CCDC73: variants seen among roughly 807,000 people sequenced by gnomAD.
CCDC73 encodes coiled-coil domain-containing protein 73.
A neutral mutation model predicts 116.5 loss-of-function variants in CCDC73; 95 were observed. The ratio of observed to expected loss-of-function variants is 0.82; its 90% CI spans 0.69 to 0.97. The LOEUF is 0.97. Ranked by LOEUF, CCDC73 falls within the 50% of genes least tolerant of loss-of-function variation. CCDC73 has a pLI of 0.00. For synonymous variants in CCDC73, 398 were observed against 401.3 expected (o/e 0.99, Z 0.10); for missense variants, 1,066 against 1,206.8 (o/e 0.88, Z 1.73).
At chr11:32,779,919 TCA>T (rs1850568152) in intron 1 of CCDC73, among the ~76,000 whole-genome samples, 1 of 152,198 alleles carries the variant, frequency 6.6e-6, no homozygotes, top group African/African-American at 2.4e-5. Context: ...ATAAAAATAA[TCA>T]CTTTTTTCTT....
the CCDC73 span, among the ~76,000 whole-genome samples, chr11:32,819,467 G>GT: frequency 0.77 from 113,767 of 148,632 alleles, 43,546 homozygotes; most frequent in East Asian, 0.99. Context: ...GCAATAAGAG[G>GT]TTTTTTTTTT....
intron 1 of CCDC73, among the ~76,000 whole-genome samples, chr11:32,764,743 G>A (rs185927415): frequency 1.8e-3 from 277 of 152,244 alleles, no homozygotes; most frequent in Non-Finnish European, 3.2e-3. Context: ...ATAATGACAG[G>A]ATCAAATTCA....
Position 32,752,640 on chromosome 11 carries a change from C to A in CCDC73, c.135+7469G>T, listed in dbSNP as rs572853108. Among the ~76,000 whole-genome samples the A allele has an allele frequency of 4.6e-5, 7 of 152,192 alleles. No homozygotes were observed. The South Asian group carries it at 1.5e-3, about 32-fold the overall frequency. On this transcript the variant is annotated intron_variant, in intron 2 of 17. Transcript: ENST00000335185. ...ATTATCTCATTTTTGTTTTAATCTGCATTTATTTTATTAGTAGTAAAGTTA... is the reference window on the plus strand; with the variant it reads ...ATTATCTCATTTTTGTTTTAATCTGAATTTATTTTATTAGTAGTAAAGTTA...
At chr11:32,735,482 A>G (rs1215469553) in intron 2 of CCDC73, among the ~76,000 whole-genome samples, 1 of 152,170 alleles carries the variant, frequency 6.6e-6, no homozygotes, top group Non-Finnish European at 1.5e-5. Flanking sequence ...ACTCTTCAAG[A>G]AGAACTACAA....
At chr11:32,811,679 C>A in the CCDC73 span, among the ~76,000 whole-genome samples, 2 of 152,002 alleles carry the variant, frequency 1.3e-5, no homozygotes, top group African/African-American at 4.8e-5. Flanking sequence ...GAGGCAAGAG[C>A]AAGCAGGAGA....
At chr11:32,675,536 TTAG>T in intron 9 of CCDC73, 26 bp downstream of exon 9, 1 of 1,333,234 alleles carries the variant, frequency 7.5e-7, no homozygotes, top group South Asian at 1.3e-5. Context: ...TAATTTTTAC[TTAG>T]TAGTGTGAAA....
chr11:32,802,853 A>T, the CCDC73 span, among the ~76,000 whole-genome samples: 2 of 151,766 alleles, frequency 1.3e-5, no homozygotes, highest in African/African-American at 4.8e-5. Context: ...CCCAGGTTCA[A>T]GCAATTCTCA....
the CCDC73 span, among the ~76,000 whole-genome samples, chr11:32,809,823 A>C: frequency 6.6e-6 from 1 of 152,210 alleles, no homozygotes; most frequent in African/African-American, 2.4e-5. Flanking sequence ...TACTAGCTTC[A>C]TTGATATGTT....
At position 32,602,958 on chromosome 11, in the gene CCDC73, A is replaced by G. The variant is rs551176908; in HGVS notation, c.3093T>C (p.Thr1031=). 15 of 1,613,558 alleles carry G rather than the reference A, an allele frequency of 9.3e-6. No homozygotes were observed. The South Asian group carries it at 1.3e-4, about 14-fold the overall frequency. ...AGTCATCATCACCAGAAGTATTTTTAGTCGTCTTGATTGCCTGCAAATGGC... is the reference window on the plus strand; with the variant it reads ...AGTCATCATCACCAGAAGTATTTTTGGTCGTCTTGATTGCCTGCAAATGGC... ...LQSHLQAIKT[T]KNTSGDDDWQ... Residue 1031 remains threonine, a synonymous_variant, in exon 18 of 18, where the codon ACT becomes ACC. Coordinates refer to ENST00000335185, the MANE Select transcript of CCDC73 (RefSeq NM_001008391.4).
intron 1 of CCDC73, among the ~76,000 whole-genome samples, chr11:32,778,151 G>A (rs576426001): frequency 1.3e-5 from 2 of 152,270 alleles, no homozygotes; most frequent in Non-Finnish European, 2.9e-5. Context: ...TTTTCAAAGT[G>A]CAGTTCCTGG....
At chr11:32,700,719 C>T in intron 5 of CCDC73, 72 bp downstream of exon 5, 1 of 676,362 alleles carries the variant, frequency 1.5e-6, no homozygotes, top group Non-Finnish European at 2.4e-6. Context: ...AGGCATCTAG[C>T]TATGTTTTAA....
chr11:32,804,148 GT>G, the CCDC73 span, among the ~76,000 whole-genome samples: 1 of 151,138 alleles, frequency 6.6e-6, no homozygotes, highest in East Asian at 1.9e-4. Context: ...ACATCATTTC[GT>G]TTTTTTTGAG....
the CCDC73 span, among the ~76,000 whole-genome samples, chr11:32,826,379 G>T: frequency 6.6e-6 from 1 of 152,152 alleles, no homozygotes. Flanking sequence ...TAAGGATGTG[G>T]AGGTGACTTT....
At chr11:32,756,412 T>TATATATATCTATATATATATCTCC (rs1850344179) in intron 2 of CCDC73, among the ~76,000 whole-genome samples, 2 of 43,094 alleles carry the variant, frequency 4.6e-5, no homozygotes, top group Non-Finnish European at 8.1e-5. Flanking sequence ...TATATCTCCA[T>TATATATATCTATATATATATCTCC]ATATATATCT....
intron 6 of CCDC73, among the ~76,000 whole-genome samples, chr11:32,692,370 A>G (rs186087209): frequency 1.3e-5 from 2 of 152,276 alleles, no homozygotes; most frequent in Non-Finnish European, 2.9e-5. Flanking sequence ...ATAAATGTAT[A>G]AACTCAAAGC....
At chr11:32,734,884 T>A (rs1192338817) in intron 2 of CCDC73, among the ~76,000 whole-genome samples, 1 of 152,152 alleles carries the variant, frequency 6.6e-6, no homozygotes, top group Admixed American at 6.6e-5. Flanking sequence ...TCATTAAACA[T>A]AATCCAAGAT....
intron 9 of CCDC73, among the ~76,000 whole-genome samples, chr11:32,667,638 A>T (rs1213689207): frequency 1.3e-5 from 2 of 152,000 alleles, no homozygotes; most frequent in South Asian, 4.2e-4. Flanking sequence ...GCCCTGCTTC[A>T]GCTCACTCTT....
At chr11:32,729,883 T>G (rs1850060185) in intron 2 of CCDC73, among the ~76,000 whole-genome samples, 1 of 152,216 alleles carries the variant, frequency 6.6e-6, no homozygotes, top group Admixed American at 6.5e-5. Context: ...GTTTCAGAAT[T>G]GCTGACATGC....
chr11:32,703,052 A>G, intron 3 of CCDC73, 108 bp from the exon 4 acceptor site: 1 of 779,044 alleles, frequency 1.3e-6, no homozygotes, highest in Non-Finnish European at 2.2e-6. Context: ...TTCTACATAT[A>G]TTATTTTGTG....
Sources: allele counts gnomAD v4.1 joint callset (sites outside exome capture counted in the v4.1 genomes callset), GRCh38; gene constraint gnomAD v4.1.1; transcripts MANE v1.5; gene names NCBI Gene and HGNC (gene_info 2026-07-23, HGNC 2026-07-21).